Variants in TTC7B observed in about 807,000 individuals in gnomAD.
TTC7B encodes tetratricopeptide repeat domain 7B, also known as tetratricopeptide repeat protein 7B.
In TTC7B, 28 loss-of-function variants were observed where a neutral mutation model predicts 106.8. The ratio of observed to expected loss-of-function variants is 0.26; its 90% confidence interval spans 0.19 to 0.36. The LOEUF (loss-of-function observed/expected upper bound fraction) is 0.36, where lower values mean the gene tolerates loss of function less well. Ranked by LOEUF, TTC7B falls within the 10% of genes least tolerant of loss-of-function variation. TTC7B has a pLI of 1.00. For synonymous variants in TTC7B, 405 were observed against 430.6 expected (o/e 0.94, Z 0.74); for missense variants, 862 against 1,076.4 (o/e 0.80, Z 2.79).
chr14:90,606,349 G>A (rs1008619152), intron 17 of TTC7B, among the ~76,000 whole-genome samples: 1 of 152,004 alleles, frequency 6.6e-6, no homozygotes, highest in Non-Finnish European at 1.5e-5. Context: ...AGAAACACAT[G>A]GCAACGGGGA....
chr14:90,571,916 G>A (rs1283080714), intron 19 of TTC7B, among the ~76,000 whole-genome samples: 3 of 152,166 alleles, frequency 2.0e-5, no homozygotes, highest in Non-Finnish European at 2.9e-5. Context: ...CACAGACACC[G>A]AGTGCCAGTT....
chr14:90,621,431 A>T (rs934049776), intron 15 of TTC7B, among the ~76,000 whole-genome samples: 5 of 151,678 alleles, frequency 3.3e-5, no homozygotes, highest in African/African-American at 1.2e-4. Context: ...GATGATGGGC[A>T]GAAGCCACGT....
At chr14:90,597,528 C>T in intron 17 of TTC7B, among the ~76,000 whole-genome samples, 1 of 152,020 alleles carries the variant, frequency 6.6e-6, no homozygotes, top group African/African-American at 2.4e-5. Flanking sequence ...CATGGTGGTG[C>T]ACACCTGTAA....
intron 5 of TTC7B, among the ~76,000 whole-genome samples, chr14:90,720,681 G>A (rs1363901503): frequency 6.6e-6 from 1 of 152,154 alleles, no homozygotes; most frequent in Non-Finnish European, 1.5e-5. Flanking sequence ...GAGGTACCAG[G>A]AGATGCTACA....
At chr14:90,766,607 C>A in intron 3 of TTC7B, 1 of 921,024 alleles carries the variant, frequency 1.1e-6, no homozygotes, top group Non-Finnish European at 1.8e-6. Flanking sequence ...CAGTGGAAAA[C>A]AGCCTTTACC....
At chr14:90,634,461 C>T (rs758418196) in intron 15 of TTC7B, among the ~76,000 whole-genome samples, 14 of 151,894 alleles carry the variant, frequency 9.2e-5, no homozygotes, top group Non-Finnish European at 1.6e-4. Context: ...AAAGACCTAT[C>T]TGCTATTTAT....
At chr14:90,586,681 G>A (rs181174673) in intron 18 of TTC7B, among the ~76,000 whole-genome samples, 59 of 152,252 alleles carry the variant, frequency 3.9e-4, no homozygotes, top group Admixed American at 3.5e-3. Flanking sequence ...CTTTAAAGGG[G>A]GCTTTAAATC....
At chr14:90,620,603 G>A (rs113313674) in intron 15 of TTC7B, among the ~76,000 whole-genome samples, 3 of 152,194 alleles carry the variant, frequency 2.0e-5, no homozygotes, top group Non-Finnish European at 2.9e-5. Context: ...AGCCGTGCAC[G>A]TGCTGCACAG....
intron 6 of TTC7B, among the ~76,000 whole-genome samples, chr14:90,690,332 G>A (rs747300783): frequency 1.3e-5 from 2 of 152,182 alleles, no homozygotes; most frequent in African/African-American, 4.8e-5. Context: ...AATGGTTCCC[G>A]ATCAAGAAAG....
At chr14:90,695,935 CT>C (rs1887727953) in intron 5 of TTC7B, among the ~76,000 whole-genome samples, 1 of 151,928 alleles carries the variant, frequency 6.6e-6, no homozygotes, top group Non-Finnish European at 1.5e-5. Flanking sequence ...GGAGACAACA[CT>C]GGGCAACAGG....
intron 9 of TTC7B, among the ~76,000 whole-genome samples, chr14:90,669,771 A>T (rs1396846703): frequency 2.0e-5 from 3 of 152,232 alleles, no homozygotes; most frequent in Non-Finnish European, 4.4e-5. Flanking sequence ...ATAATAATTT[A>T]AAAATAACAA....
chr14:90,718,857 C>T (rs1888764716), intron 5 of TTC7B, among the ~76,000 whole-genome samples: 1 of 78,510 alleles, frequency 1.3e-5, no homozygotes, highest in Non-Finnish European at 3.1e-5. Context: ...AAATTCCTGC[C>T]CAAGTGGAAC....
intron 15 of TTC7B, among the ~76,000 whole-genome samples, chr14:90,634,168 C>A (rs561285184): frequency 5.9e-5 from 9 of 152,240 alleles, no homozygotes; most frequent in Admixed American, 5.9e-4. Context: ...TGAGCCACCG[C>A]GCCTGGCCCA....
intron 6 of TTC7B, among the ~76,000 whole-genome samples, chr14:90,695,274 AAT>A (rs934948676): frequency 1.4e-5 from 2 of 147,438 alleles, no homozygotes; most frequent in African/African-American, 5.0e-5. Context: ...TCACACATAC[AAT>A]ATATGTGACA....
At chr14:90,767,662 A>G (rs971967830) in intron 3 of TTC7B, among the ~76,000 whole-genome samples, 1 of 152,222 alleles carries the variant, frequency 6.6e-6, no homozygotes, top group Non-Finnish European at 1.5e-5. Context: ...TTTCTTTATA[A>G]GCTACCCAGT....
rs1239400033 is a variant in TTC7B, at chr14:90,525,259, A to G, written c.*16109T>C. On this transcript the variant is annotated 3_prime_UTR_variant, in exon 20 of 20. Coordinates refer to ENST00000328459, the MANE Select transcript of TTC7B (RefSeq NM_001010854.2). ...GTCACCACTACCTGGAGATTCACCCATGTTGCTGCAGGCACCAAGCCCCTC... is the reference window on the plus strand; with the variant it reads ...GTCACCACTACCTGGAGATTCACCCGTGTTGCTGCAGGCACCAAGCCCCTC... The G allele has an allele frequency of 2.6e-5, 4 of 152,324 alleles. No homozygotes were observed. In the East Asian group the frequency reaches 7.7e-4, roughly 29 times the overall value. The allele number at this position is 152,324 out of a possible 1,614,324, so 9.4% of individuals were successfully genotyped here.
chr14:90,754,730 C>T (rs889216680), intron 3 of TTC7B, among the ~76,000 whole-genome samples: 8 of 152,184 alleles, frequency 5.3e-5, no homozygotes, highest in African/African-American at 1.9e-4. Flanking sequence ...GCAGTTCCTC[C>T]CTATTCTACC....
intron 18 of TTC7B, among the ~76,000 whole-genome samples, chr14:90,592,200 G>T (rs1415711827): frequency 6.6e-6 from 1 of 152,184 alleles, no homozygotes; most frequent in East Asian, 1.9e-4. Flanking sequence ...TCAACAGAGG[G>T]ACAATTGGTG....
rs78245418 is a variant in TTC7B at position 90,663,755 on chromosome 14, C to G, written c.1153-5368G>C. Among the ~76,000 whole-genome samples the G allele has an allele frequency of 6.8e-4, 103 of 152,328 alleles. No individual in the cohort carries two copies. The highest frequency in any genetic ancestry group is 2.2e-3 in the African/African-American group (92 of 41,576). On this transcript the variant is annotated intron_variant, in intron 9 of 19. Transcript: ENST00000328459. The surrounding 1 kb of genome is among the most constrained non-coding windows in gnomAD (Gnocchi z 4.5). ...GGTGTCCTAAAGAGAGTTAGGAAAT[C>G]TGGGTCAATTACAGATTAGCCCTCC...
Sources: gnomAD v4.1 joint callset for allele counts (sites outside exome capture counted in the v4.1 genomes callset) on GRCh38, gnomAD v4.1.1 for gene constraint, Gnocchi (gnomAD v3.1) non-coding constraint, MANE v1.5 for transcripts, NCBI Gene and HGNC (gene_info 2026-07-23, HGNC 2026-07-21) for gene names.